NRCAM: variants seen among roughly 807,000 people sequenced by gnomAD.
NRCAM encodes the protein neuronal cell adhesion molecule.
In NRCAM, 83 loss-of-function variants were observed where a neutral mutation model predicts 156.5. The observed-to-expected ratio is 0.53, with a 90% confidence interval of 0.44 to 0.64. NRCAM has a LOEUF of 0.64. NRCAM is among the 30% of genes least tolerant of loss of function. The pLI, the probability that NRCAM is intolerant of heterozygous loss-of-function variation, is 0.00. For missense variants in NRCAM, 1,417 were observed against 1,597.3 expected, an observed-to-expected ratio of 0.89 and a Z score of 1.92; for synonymous variants, 538 against 563.9, an observed-to-expected ratio of 0.95 and a Z score of 0.65.
chr7:108,442,233 C>T (rs578250106), intron 1 of NRCAM, among the ~76,000 whole-genome samples: 37 of 152,194 alleles, frequency 2.4e-4, no homozygotes, highest in Non-Finnish European at 4.0e-4. Context: ...GCAGAGAGCC[C>T]GGTGAGTCAC....
intron 2 of NRCAM, among the ~76,000 whole-genome samples, chr7:108,315,652 A>G (rs1322959271): frequency 6.6e-6 from 1 of 152,132 alleles, no homozygotes; most frequent in African/African-American, 2.4e-5. Context: ...GTTTAGCACC[A>G]AGTTCAGCCT....
chr7:108,418,808 TAAAC>T (rs1033955536), intron 1 of NRCAM, among the ~76,000 whole-genome samples: 9 of 152,164 alleles, frequency 5.9e-5, no homozygotes, highest in African/African-American at 2.2e-4. Context: ...TTTTATAGCA[TAAAC>T]ATTTATTTGA....
chr7:108,184,189 T>A, intron 22 of NRCAM, 52 bp downstream of exon 22: 1 of 1,448,730 alleles, frequency 6.9e-7, no homozygotes, highest in Non-Finnish European at 9.6e-7. Context: ...TTCAAACAAC[T>A]TTTTTTTCAC....
chr7:108,278,542 C>T (rs998674818), intron 3 of NRCAM, among the ~76,000 whole-genome samples: 2 of 152,174 alleles, frequency 1.3e-5, no homozygotes, highest in Admixed American at 1.3e-4. Flanking sequence ...AGCAATGCTC[C>T]GTGGGCGTGG....
chr7:108,267,893 G>C (rs1029126969), intron 3 of NRCAM, among the ~76,000 whole-genome samples: 1 of 152,124 alleles, frequency 6.6e-6, no homozygotes, highest in Admixed American at 6.5e-5. Context: ...TTCATACATA[G>C]AATCTACTTT....
At chr7:108,425,837 A>G (rs1816604319) in intron 1 of NRCAM, among the ~76,000 whole-genome samples, 1 of 152,230 alleles carries the variant, frequency 6.6e-6, no homozygotes, top group Non-Finnish European at 1.5e-5. Context: ...TGGAGAGTTC[A>G]TGGTTCACAC....
chr7:108,426,169 GC>G (rs1817030188), intron 1 of NRCAM, among the ~76,000 whole-genome samples: 1 of 152,234 alleles, frequency 6.6e-6, no homozygotes, highest in African/African-American at 2.4e-5. Context: ...TACACATGAA[GC>G]AGAATGTGGT....
chr7:108,449,333 C>T (rs1451833435), intron 1 of NRCAM, among the ~76,000 whole-genome samples: 5 of 152,184 alleles, frequency 3.3e-5, no homozygotes, highest in Non-Finnish European at 5.9e-5. Context: ...GCTTGAATTC[C>T]TTTTCAGTGT....
At chr7:108,251,106 T>G (rs1470491307) in intron 3 of NRCAM, among the ~76,000 whole-genome samples, 1 of 152,160 alleles carries the variant, frequency 6.6e-6, no homozygotes, top group Non-Finnish European at 1.5e-5. Flanking sequence ...GTCTTTTCAG[T>G]TTAATTTTCA....
chr7:108,157,415 G>T (rs409797), intron 32 of NRCAM, among the ~76,000 whole-genome samples: 5 of 151,934 alleles, frequency 3.3e-5, no homozygotes, highest in African/African-American at 4.8e-5. Flanking sequence ...GCCACGTACT[G>T]CTCCAGACAC....
chr7:108,246,140 G>A lies in NRCAM; in HGVS notation c.-106-5970C>T, dbSNP rs565296217. 4.0e-4 allele frequency among the ~76,000 whole-genome samples: 61 copies of A among 152,302 alleles called. 1 individual carries two copies. The highest frequency in any genetic ancestry group is 1.4e-3 in the African/African-American group (60 of 41,568). ...AGGAACGAACTAGTTCTTTGCAAACGAAAGGGAATTTCCTTCTTTATCCCA... is the reference window on the plus strand; with the variant it reads ...AGGAACGAACTAGTTCTTTGCAAACAAAAGGGAATTTCCTTCTTTATCCCA... On this transcript the variant is annotated intron_variant, in intron 3 of 32. Transcript: ENST00000379028.
intron 1 of NRCAM, among the ~76,000 whole-genome samples, chr7:108,434,830 A>G (rs1279531602): frequency 6.6e-6 from 1 of 152,190 alleles, no homozygotes; most frequent in Non-Finnish European, 1.5e-5. Flanking sequence ...AGACATCAGC[A>G]ATTGCACATT....
chr7:108,150,193 A>G (rs2040424879), intron 32 of NRCAM, 46 bp from the exon 33 acceptor site: 1 of 1,501,736 alleles, frequency 6.7e-7, no homozygotes, highest in Non-Finnish European at 9.0e-7. Flanking sequence ...CATTTAGGTA[A>G]CATTTTCTGT....
chr7:108,180,407 C>T lies in NRCAM; in HGVS notation c.2667G>A (p.Gln889=), dbSNP rs779967973. The change falls in exon 25 of 33, where the codon CAG becomes CAA. Residue 889 remains glutamine (Q), a synonymous_variant. Transcript: ENST00000379028. Reference sequence around the variant, plus strand: ...GACGTCTGTTTCTTTTAGATGAACTCTGGGTCTTCCAATAGTAAATCTGAA... The same window carrying T: ...GACGTCTGTTTCTTTTAGATGAACTTTGGGTCTTCCAATAGTAAATCTGAA... The part of the protein sequence containing the change: ...QGYRIYYWKT[Q]SSSKRNRRHI... The T allele has an allele frequency of 1.2e-6, 2 of 1,614,100 alleles. No individual in the cohort carries two copies. Among genetic ancestry groups the T allele is most frequent in the African/African-American group, 1.3e-5 (1 of 75,054 alleles).
intron 3 of NRCAM, among the ~76,000 whole-genome samples, chr7:108,292,842 A>G (rs1464411276): frequency 6.6e-6 from 1 of 152,218 alleles, no homozygotes; most frequent in African/African-American, 2.4e-5. Context: ...TAACTGGCGT[A>G]AAACAGCTGA....
In NRCAM at chr7:108,208,394, T is replaced by C. The variant is rs566859923; in HGVS notation, c.1076-735A>G. Among the ~76,000 whole-genome samples the C allele has an allele frequency of 3.3e-5, 5 of 152,286 alleles. No homozygotes were observed. The East Asian group carries it at 9.6e-4, about 29-fold the overall frequency. ...ACTTAAAAACATCATTTTTGAAAAG[T>C]TGCAAAGGTATTATAGAGCATTTCC... On this transcript the variant is annotated intron_variant, in intron 12 of 32. Coordinates refer to ENST00000379028, the MANE Select transcript of NRCAM (RefSeq NM_001037132.4).
chr7:108,381,158 C>CTA (rs5886454), intron 2 of NRCAM, among the ~76,000 whole-genome samples: 50,337 of 151,986 alleles, frequency 0.33, 8,912 homozygotes, highest in Middle Eastern at 0.49. Flanking sequence ...ACGTATGTAG[C>CTA]TATATATGTG....
At chr7:108,377,593 G>A (rs972718001) in intron 2 of NRCAM, among the ~76,000 whole-genome samples, 12 of 152,070 alleles carry the variant, frequency 7.9e-5, no homozygotes, top group African/African-American at 2.7e-4. Context: ...ACAATAGGCT[G>A]GAAAAGACCT....
intron 1 of NRCAM, among the ~76,000 whole-genome samples, chr7:108,419,732 C>A (rs1806692269): frequency 6.6e-6 from 1 of 152,176 alleles, no homozygotes; most frequent in Non-Finnish European, 1.5e-5. Flanking sequence ...CTTTTAATGT[C>A]AAAACTAGAG....
Sources: allele counts gnomAD v4.1 joint callset (sites outside exome capture counted in the v4.1 genomes callset), GRCh38; gene constraint gnomAD v4.1.1; transcripts MANE v1.5; gene names NCBI Gene and HGNC (gene_info 2026-07-23, HGNC 2026-07-21).